Variants in GRM7 observed in about 807,000 individuals in gnomAD.
The protein encoded by GRM7 is glutamate metabotropic receptor 7, also known as metabotropic glutamate receptor 7.
GRM7 carries 35 observed loss-of-function variants against 84.5 expected under a neutral mutation model. The observed-to-expected ratio is 0.41, with a 90% CI of 0.32 to 0.55. GRM7 has a LOEUF of 0.55. GRM7 is among the 20% of genes least tolerant of loss of function. The probability of loss-of-function intolerance (pLI) is 0.19; values close to 1 mark genes in which losing one functional copy is unlikely to be tolerated. For synonymous variants in GRM7, 487 were observed against 455.1 expected, an observed-to-expected ratio of 1.07 and a Z score of -0.89; for missense variants, 1,003 against 1,194.6, an observed-to-expected ratio of 0.84 and a Z score of 2.36.
At chr3:7,727,890 T>C (rs1307048578) in intron 9 of GRM7, among the ~76,000 whole-genome samples, 1 of 152,246 alleles carries the variant, frequency 6.6e-6, no homozygotes. Flanking sequence ...TCTAGCCATC[T>C]TTAATCCTAG....
chr3:7,177,579 C>T (rs1348757707), intron 2 of GRM7, among the ~76,000 whole-genome samples: 1 of 144,084 alleles, frequency 6.9e-6, no homozygotes, highest in East Asian at 2.0e-4. Context: ...GGAAGGCGGG[C>T]GACAGAGTGA....
At chr3:7,374,789 C>T (rs1197856432) in intron 4 of GRM7, among the ~76,000 whole-genome samples, 3 of 151,944 alleles carry the variant, frequency 2.0e-5, no homozygotes, top group Non-Finnish European at 4.4e-5. Context: ...CCATGCCCAG[C>T]CGGTATGAGC....
intron 1 of GRM7, among the ~76,000 whole-genome samples, chr3:7,000,017 A>C (rs1043086862): frequency 6.6e-6 from 1 of 152,238 alleles, no homozygotes; most frequent in Non-Finnish European, 1.5e-5. Context: ...ACCTTCAATA[A>C]TAAATGGCAT....
At chr3:7,057,383 C>T (rs1697266607) in intron 1 of GRM7, among the ~76,000 whole-genome samples, 1 of 151,812 alleles carries the variant, frequency 6.6e-6, no homozygotes, top group South Asian at 2.1e-4. Flanking sequence ...CAAAGTAATG[C>T]AATGGTTATC....
chr3:7,333,025 T>C (rs1701269620), intron 4 of GRM7, among the ~76,000 whole-genome samples: 1 of 152,096 alleles, frequency 6.6e-6, no homozygotes, highest in South Asian at 2.1e-4. Flanking sequence ...TTCTTGAAAG[T>C]GCCACCTCCT....
At chr3:7,143,457 T>C (rs959817478) in intron 1 of GRM7, among the ~76,000 whole-genome samples, 1 of 152,124 alleles carries the variant, frequency 6.6e-6, no homozygotes, top group Non-Finnish European at 1.5e-5. Context: ...ATAAGTACCA[T>C]TGGATAGAGG....
intron 7 of GRM7, among the ~76,000 whole-genome samples, chr3:7,573,785 C>T (rs1360099206): frequency 2.0e-5 from 3 of 152,200 alleles, no homozygotes; most frequent in Non-Finnish European, 4.4e-5. Flanking sequence ...TGAGCATTCT[C>T]AGGAGACAAA....
chr3:7,446,484 G>A (rs367981904), intron 5 of GRM7, among the ~76,000 whole-genome samples: 19 of 137,674 alleles, frequency 1.4e-4, no homozygotes, highest in African/African-American at 3.8e-4. Context: ...TTTTTGAGAC[G>A]GAGTCTCATT....
chr3:7,341,393 G>A (rs889103270), intron 4 of GRM7, among the ~76,000 whole-genome samples: 10 of 151,024 alleles, frequency 6.6e-5, no homozygotes, highest in African/African-American at 1.9e-4. Context: ...TGTTTATTTA[G>A]CAAACATTTA....
intron 9 of GRM7, among the ~76,000 whole-genome samples, chr3:7,704,897 C>T (rs923796892): frequency 4.1e-4 from 62 of 152,240 alleles, no homozygotes; most frequent in African/African-American, 1.1e-3. Context: ...CCATGCTTTA[C>T]GGCAGAATGG....
At chr3:7,465,312 AGGCTG>A (rs1313406580) in intron 7 of GRM7, among the ~76,000 whole-genome samples, 1 of 152,158 alleles carries the variant, frequency 6.6e-6, no homozygotes, top group African/African-American at 2.4e-5. Context: ...GGGGGAAAAG[AGGCTG>A]GGTTTAATTC....
chr3:7,525,900 T>C (rs1306597149), intron 7 of GRM7, among the ~76,000 whole-genome samples: 3 of 152,180 alleles, frequency 2.0e-5, no homozygotes, highest in Non-Finnish European at 2.9e-5. Flanking sequence ...TTCTTTTTTA[T>C]GGCTGCATAG....
chr3:7,122,904 A>G (rs145850560), intron 1 of GRM7, among the ~76,000 whole-genome samples: 341 of 145,776 alleles, frequency 2.3e-3, no homozygotes, highest in African/African-American at 8.4e-3. Context: ...AGGGGAATCC[A>G]TTTAACCTTG....
chr3:7,435,572 G>A (rs1697010160), intron 5 of GRM7, among the ~76,000 whole-genome samples: 1 of 151,826 alleles, frequency 6.6e-6, no homozygotes, highest in South Asian at 2.1e-4. Context: ...GAGTACAATG[G>A]CACGATCTCA....
chr3:7,352,597 A>G (rs576993372), intron 4 of GRM7, among the ~76,000 whole-genome samples: 3 of 152,210 alleles, frequency 2.0e-5, no homozygotes, highest in South Asian at 2.1e-4. Flanking sequence ...CTTAGCCCCA[A>G]AGCGTTTCTA....
At chr3:7,537,263 T>A (rs1007656131) in intron 7 of GRM7, among the ~76,000 whole-genome samples, 3 of 152,198 alleles carry the variant, frequency 2.0e-5, no homozygotes, top group African/African-American at 7.2e-5. Flanking sequence ...TCCCTTTTAT[T>A]TATTTATTGA....
chr3:7,394,017 A>T (rs1239841758), intron 4 of GRM7, among the ~76,000 whole-genome samples: 1 of 152,108 alleles, frequency 6.6e-6, no homozygotes, highest in African/African-American at 2.4e-5. Flanking sequence ...AATCTTTACC[A>T]TACAATTATT....
At chr3:7,040,836 G>A (rs1696576561) in intron 1 of GRM7, among the ~76,000 whole-genome samples, 2 of 151,662 alleles carry the variant, frequency 1.3e-5, no homozygotes, top group African/African-American at 4.8e-5. Flanking sequence ...TAATCCCAGC[G>A]CTTTGGGAGG....
intron 1 of GRM7, among the ~76,000 whole-genome samples, chr3:7,099,843 G>C (rs148702370): frequency 4.6e-4 from 46 of 99,728 alleles, no homozygotes; most frequent in East Asian, 1.0e-3. Flanking sequence ...ATATGTACAC[G>C]CATTATACAT....
Sources: gnomAD v4.1 joint callset for allele counts (sites outside exome capture counted in the v4.1 genomes callset) on GRCh38, gnomAD v4.1.1 for gene constraint, MANE v1.5 for transcripts, NCBI Gene and HGNC (gene_info 2026-07-23, HGNC 2026-07-21) for gene names.